The following LRRTM4 variants were observed in gnomAD, a reference collection of about 807,000 sequenced individuals.
LRRTM4 encodes leucine rich repeat transmembrane neuronal 4, also known as leucine-rich repeat transmembrane neuronal protein 4.
LRRTM4 carries 25 observed loss-of-function variants against 47.6 expected under a neutral mutation model. The observed-to-expected ratio is 0.53, with a 90% CI of 0.38 to 0.73. LRRTM4 has a LOEUF of 0.73. Among genes scored for constraint, LRRTM4 ranks in the 30% least tolerant of loss-of-function variants. The pLI is 0.00. For missense variants in LRRTM4, 638 were observed against 713.4 expected (o/e 0.89, Z 1.20); for synonymous variants, 311 against 269.5 (o/e 1.15, Z -1.51).
intron 3 of LRRTM4, among the ~76,000 whole-genome samples, chr2:77,269,576 A>T (rs1318731058): frequency 6.6e-6 from 1 of 152,218 alleles, no homozygotes; most frequent in Non-Finnish European, 1.5e-5. Flanking sequence ...AACAAATACA[A>T]ATTAAATTTA....
chr2:77,132,430 T>C (rs1023247721), intron 3 of LRRTM4, among the ~76,000 whole-genome samples: 1 of 152,198 alleles, frequency 6.6e-6, no homozygotes, highest in Non-Finnish European at 1.5e-5. Flanking sequence ...ATTTTTGCCA[T>C]TGTGTCAAGT....
intron 3 of LRRTM4, among the ~76,000 whole-genome samples, chr2:77,138,905 C>T (rs986320732): frequency 6.6e-6 from 1 of 152,094 alleles, no homozygotes; most frequent in Admixed American, 6.6e-5. Flanking sequence ...CACATATATA[C>T]TCCCAAGACT....
At chr2:76,843,908 CATT>C (rs1397641377) in intron 3 of LRRTM4, among the ~76,000 whole-genome samples, 8 of 145,374 alleles carry the variant, frequency 5.5e-5, no homozygotes, top group Admixed American at 4.8e-4. Flanking sequence ...TTTCTTTTTT[CATT>C]TTTTTTTTTT....
At chr2:77,218,665 A>T (rs1290010950) in intron 3 of LRRTM4, among the ~76,000 whole-genome samples, 1 of 152,156 alleles carries the variant, frequency 6.6e-6, no homozygotes, top group Non-Finnish European at 1.5e-5. Flanking sequence ...CAAGACTATG[A>T]TCCTTCCTTG....
intron 3 of LRRTM4, among the ~76,000 whole-genome samples, chr2:76,910,383 T>C (rs1022975714): frequency 6.6e-6 from 1 of 151,006 alleles, no homozygotes; most frequent in Non-Finnish European, 1.5e-5. Flanking sequence ...CATTGGGAGA[T>C]ATACCTAATG....
At chr2:77,026,429 A>G (rs1213106563) in intron 3 of LRRTM4, among the ~76,000 whole-genome samples, 1 of 152,098 alleles carries the variant, frequency 6.6e-6, no homozygotes, top group East Asian at 1.9e-4. Context: ...TAACCCACAG[A>G]ATGATCATGG....
intron 3 of LRRTM4, among the ~76,000 whole-genome samples, chr2:76,809,427 T>C (rs1441247973): frequency 6.6e-6 from 1 of 152,166 alleles, no homozygotes; most frequent in Non-Finnish European, 1.5e-5. Flanking sequence ...ACTAAAACCA[T>C]GGACTCTTCC....
At chr2:77,407,095 A>T (rs13388309) in intron 3 of LRRTM4, among the ~76,000 whole-genome samples, 2,117 of 152,238 alleles carry the variant, frequency 0.014, 56 homozygotes, top group African/African-American at 0.048. Context: ...CTCACTTATA[A>T]TTAGAAGTAA....
At chr2:76,760,656 T>C (rs1673220856) in intron 3 of LRRTM4, among the ~76,000 whole-genome samples, 1 of 152,132 alleles carries the variant, frequency 6.6e-6, no homozygotes. Flanking sequence ...AACTTGCCCT[T>C]GTATAGAATG....
chr2:76,764,210 A>C (rs2104091154), intron 3 of LRRTM4, among the ~76,000 whole-genome samples: 1 of 152,318 alleles, frequency 6.6e-6, no homozygotes, highest in South Asian at 2.1e-4. Flanking sequence ...TCAGAAAGAA[A>C]CCAGAACTTA....
chr2:76,851,047 C>T (rs1671978136), intron 3 of LRRTM4, among the ~76,000 whole-genome samples: 1 of 152,194 alleles, frequency 6.6e-6, no homozygotes, highest in Non-Finnish European at 1.5e-5. Flanking sequence ...TCTGAAGCCC[C>T]ACTTGGGCTA....
At chr2:76,762,520 T>C (rs1327844689) in intron 3 of LRRTM4, among the ~76,000 whole-genome samples, 1 of 152,212 alleles carries the variant, frequency 6.6e-6, no homozygotes, top group Non-Finnish European at 1.5e-5. Context: ...CTGCTGTGTA[T>C]TATGATTTAA....
chr2:77,091,349 C>G (rs1031600376), intron 3 of LRRTM4, among the ~76,000 whole-genome samples: 1 of 142,116 alleles, frequency 7.0e-6, no homozygotes, highest in Non-Finnish European at 1.5e-5. Flanking sequence ...CCTTACCCCA[C>G]TCAACGCCAA....
intron 3 of LRRTM4, among the ~76,000 whole-genome samples, chr2:77,396,044 C>T (rs1673688028): frequency 6.6e-6 from 1 of 151,816 alleles, no homozygotes; most frequent in Admixed American, 6.6e-5. Flanking sequence ...AGAAACATTT[C>T]TTTGAACATT....
At chr2:77,000,917 G>A (rs1477242086) in intron 3 of LRRTM4, among the ~76,000 whole-genome samples, 1 of 152,086 alleles carries the variant, frequency 6.6e-6, no homozygotes, top group African/African-American at 2.4e-5. Flanking sequence ...CCCTTGGAAA[G>A]GCACTGTGAC....
At chr2:76,951,439 T>C (rs1366172165) in intron 3 of LRRTM4, among the ~76,000 whole-genome samples, 1 of 152,036 alleles carries the variant, frequency 6.6e-6, no homozygotes, top group Non-Finnish European at 1.5e-5. Flanking sequence ...CTCTTCATAA[T>C]GACAAAATGT....
At chr2:77,299,821 G>A (rs1196590698) in intron 3 of LRRTM4, among the ~76,000 whole-genome samples, 1 of 150,708 alleles carries the variant, frequency 6.6e-6, no homozygotes, top group Non-Finnish European at 1.5e-5. Flanking sequence ...TTGTCACTGA[G>A]TGTGAGGACA....
chr2:76,980,557 C>T (rs903492294), intron 3 of LRRTM4, among the ~76,000 whole-genome samples: 1 of 152,020 alleles, frequency 6.6e-6, no homozygotes, highest in Admixed American at 6.6e-5. Flanking sequence ...GCCACTCTCA[C>T]AGAAGACAAG....
intron 3 of LRRTM4, among the ~76,000 whole-genome samples, chr2:77,220,242 C>A (rs527493482): frequency 1.9e-4 from 29 of 152,142 alleles, no homozygotes; most frequent in African/African-American, 6.3e-4. Flanking sequence ...TAGACAAAAC[C>A]ACAAAGATGG....
Sources: allele counts gnomAD v4.1 joint callset (sites outside exome capture counted in the v4.1 genomes callset), GRCh38; gene constraint gnomAD v4.1.1; transcripts MANE v1.5; gene names NCBI Gene and HGNC (gene_info 2026-07-23, HGNC 2026-07-21).